Variants in BRD7 observed in about 807,000 individuals in gnomAD.
BRD7 encodes the protein bromodomain-containing protein 7.
A neutral mutation model predicts 82.1 loss-of-function variants in BRD7; 15 were observed. The observed-to-expected ratio is 0.18, with a 90% CI of 0.12 to 0.28. The LOEUF (loss-of-function observed/expected upper bound fraction) is 0.28, where lower values mean the gene tolerates loss of function less well. BRD7 is among the 10% of genes least tolerant of loss of function. The pLI is 1.00. For missense variants in BRD7, 638 were observed against 779.9 expected, an observed-to-expected ratio of 0.82 and a Z score of 2.17; for synonymous variants, 232 against 266.9, an observed-to-expected ratio of 0.87 and a Z score of 1.27.
chr16:50,322,160 T>C, intron 12 of BRD7, 122 bp from the exon 13 acceptor site: 1 of 744,798 alleles, frequency 1.3e-6, no homozygotes, highest in Middle Eastern at 3.7e-4. Flanking sequence ...ACTACTGGAA[T>C]ATAATTTTTC....
intron 6 of BRD7, among the ~76,000 whole-genome samples, chr16:50,336,954 T>C (rs2037827093): frequency 6.6e-6 from 1 of 152,230 alleles, no homozygotes. Flanking sequence ...GGCTGGTTCT[T>C]TGCTAATAAT....
At chr16:50,337,290 C>T (rs1483792337) in intron 6 of BRD7, among the ~76,000 whole-genome samples, 8 of 118,032 alleles carry the variant, frequency 6.8e-5, no homozygotes, top group African/African-American at 2.4e-4. Context: ...GACGGAGTTT[C>T]CCTCTTGTTG....
At chr16:50,329,549 G>T (rs2037471475) in intron 8 of BRD7, among the ~76,000 whole-genome samples, 1 of 152,166 alleles carries the variant, frequency 6.6e-6, no homozygotes, top group African/African-American at 2.4e-5. Flanking sequence ...AATCCCAGGT[G>T]GCAGCCACTT....
rs1250833084 is a variant in BRD7 at position 50,317,919 on chromosome 16, G to C, written c.*1292C>G. ...TAACAAACAAACAAACAAACAAACA[G>C]AAGAGAAGATCATTAACCACTGTAT... On this transcript the variant is annotated 3_prime_UTR_variant, in exon 17 of 17. Coordinates refer to ENST00000394688, the MANE Select transcript of BRD7 (RefSeq NM_013263.5). 2.1e-5 allele frequency: 3 copies of C among 143,822 alleles called. No homozygotes were observed. Among genetic ancestry groups the C allele is most frequent in the South Asian group, 2.2e-4 (1 of 4,588 alleles). 8.9% of individuals were successfully genotyped at this position (143,822 alleles called of 1,614,324 possible). A position where few individuals can be genotyped will look rare whatever the true frequency, so the allele number is the denominator to read the frequency against.
chr16:50,347,016 A>G (rs1157665072), intron 5 of BRD7, among the ~76,000 whole-genome samples: 1 of 152,232 alleles, frequency 6.6e-6, no homozygotes, highest in Non-Finnish European at 1.5e-5. Context: ...CCTCAATAAA[A>G]TACTGGCAAA....
intron 2 of BRD7, among the ~76,000 whole-genome samples, chr16:50,363,255 C>G (rs1469599181): frequency 1.3e-5 from 2 of 152,194 alleles, no homozygotes; most frequent in East Asian, 1.9e-4. Flanking sequence ...ATGACTAGAT[C>G]AGATGGCATA....
rs1441854562 is a variant in BRD7 at position 50,334,655 on chromosome 16, C to A, written c.887+56G>T. ...AGTCAGGCCCCGAATAAGTATTTTT[C>A]CCCCTTACTAGCTTGAAGAAGACAG... On this transcript the variant is annotated intron_variant, in intron 7 of 16. Coordinates refer to ENST00000394688, the MANE Select transcript of BRD7 (RefSeq NM_013263.5). The A allele has an allele frequency of 5.1e-6, 8 of 1,570,790 alleles. No homozygotes were observed. In the Admixed American group the frequency reaches 7.2e-5, roughly 14 times the overall value.
chr16:50,348,795 T>C (rs1335924616), intron 5 of BRD7, among the ~76,000 whole-genome samples: 1 of 152,166 alleles, frequency 6.6e-6, no homozygotes, highest in Non-Finnish European at 1.5e-5. Context: ...AGGAACACTT[T>C]TACACTGTTG....
chr16:50,319,345 A>G, intron 16 of BRD7, 79 bp from the exon 17 acceptor site: 1 of 1,385,408 alleles, frequency 7.2e-7, no homozygotes, highest in Non-Finnish European at 1.0e-6. Context: ...TCAAGCTGCC[A>G]TCCAGAAGCA....
chr16:50,341,442 A>C (rs1199070973), intron 5 of BRD7, among the ~76,000 whole-genome samples: 1 of 151,682 alleles, frequency 6.6e-6, no homozygotes, highest in African/African-American at 2.4e-5. Flanking sequence ...GGAGTTTGAG[A>C]CTGGTCAGGG....
At chr16:50,342,964 T>C (rs2038131354) in intron 5 of BRD7, among the ~76,000 whole-genome samples, 1 of 152,156 alleles carries the variant, frequency 6.6e-6, no homozygotes, top group Non-Finnish European at 1.5e-5. Context: ...AAAAACCTCA[T>C]CTATAATAGG....
Position 50,354,638 on chromosome 16 carries a change from T to C in BRD7, c.388+155A>G, listed in dbSNP as rs528092217. On this transcript the variant is annotated intron_variant, in intron 3 of 16. Transcript: ENST00000394688. ...GAAGTTTGAGAGTATTAATCCAAAATTGAAGCTAATTTAAAGCTCTTATGC... is the reference window on the plus strand; with the variant it reads ...GAAGTTTGAGAGTATTAATCCAAAACTGAAGCTAATTTAAAGCTCTTATGC... 4.6e-5 allele frequency among the ~76,000 whole-genome samples: 7 copies of C among 152,318 alleles called. No individual in the cohort carries two copies. The South Asian group carries it at 1.2e-3, about 27-fold the overall frequency.
Position 50,349,968 on chromosome 16 carries a change from T to C in BRD7, c.591+55A>G, listed in dbSNP as rs117328610. ...AAAGGTCAATGAGAAAGATTCTGAA[T>C]ATCAGACATGCAGATTTCTACCAAG... is the stretch of plus-strand genomic sequence containing the variant. On this transcript the variant is annotated intron_variant, in intron 5 of 16. Transcript: ENST00000394688. 6,677 of 1,393,898 alleles carry C rather than the reference T, an allele frequency of 4.8e-3. 243 individuals are homozygous for C. In the East Asian group the frequency reaches 0.11, roughly 22 times the overall value. 86.3% of individuals were successfully genotyped at this position (1,393,898 alleles called of 1,614,324 possible).
intron 14 of BRD7, 81 bp downstream of exon 14, chr16:50,320,582 G>A (rs1232484941): frequency 3.6e-6 from 5 of 1,391,640 alleles, no homozygotes; most frequent in South Asian, 1.2e-5. Flanking sequence ...GAATGGCTAT[G>A]TTAATCTGTA....
intron 1 of BRD7, 110 bp from the exon 2 acceptor site, chr16:50,368,408 G>T (rs573446862): frequency 1.3e-5 from 16 of 1,206,562 alleles, no homozygotes; most frequent in East Asian, 1.2e-4. Context: ...AGGCGGCTTT[G>T]GGCGCTCCGC....
At chr16:50,330,484 G>C (rs137992834) in intron 8 of BRD7, among the ~76,000 whole-genome samples, 72 of 152,096 alleles carry the variant, frequency 4.7e-4, no homozygotes, top group African/African-American at 1.7e-3. Flanking sequence ...CTGTGCCTCT[G>C]AGATGTAAAT....
intron 6 of BRD7, among the ~76,000 whole-genome samples, chr16:50,336,733 T>C (rs1205217756): frequency 6.6e-6 from 1 of 152,224 alleles, no homozygotes; most frequent in South Asian, 2.1e-4. Flanking sequence ...AAGCAGAACT[T>C]ACATTAAGAA....
Position 50,361,500 on chromosome 16 carries a change from C to T in BRD7, c.259-6578G>A, listed in dbSNP as rs565618041. 1.1e-4 allele frequency among the ~76,000 whole-genome samples: 16 copies of T among 152,302 alleles called. No individual in the cohort carries two copies. The South Asian group carries it at 3.3e-3, about 32-fold the overall frequency. On this transcript the variant is annotated intron_variant, in intron 2 of 16. Coordinates refer to ENST00000394688, the MANE Select transcript of BRD7 (RefSeq NM_013263.5). ...TGGGTTAGGACTATGTTCTTCAGAA[C>T]AGCAAGTGAGTTTCAATAAAGGAAT...
intron 4 of BRD7, among the ~76,000 whole-genome samples, chr16:50,353,360 C>T (rs2038611399): frequency 6.6e-6 from 1 of 151,936 alleles, no homozygotes; most frequent in African/African-American, 2.4e-5. Flanking sequence ...CTACTATACT[C>T]GGTTAACTTC....
Sources: gnomAD v4.1 joint callset for allele counts (sites outside exome capture counted in the v4.1 genomes callset) on GRCh38, gnomAD v4.1.1 for gene constraint, MANE v1.5 for transcripts, NCBI Gene and HGNC (gene_info 2026-07-23, HGNC 2026-07-21) for gene names.